The following NDRG4 variants were observed in gnomAD, a reference collection of about 807,000 sequenced individuals.
NDRG4 encodes the protein protein NDRG4.
In NDRG4, 38 loss-of-function variants were observed where a neutral mutation model predicts 55.8. That is an observed-to-expected ratio of 0.68 (90% CI 0.53 to 0.89). NDRG4 has a LOEUF of 0.89. Ranked by LOEUF, NDRG4 falls within the 40% of genes least tolerant of loss-of-function variation. The probability of loss-of-function intolerance (pLI) is 0.00; values close to 1 mark genes in which losing one functional copy is unlikely to be tolerated. For synonymous variants in NDRG4, 190 were observed against 182.7 expected, an observed-to-expected ratio of 1.04 and a Z score of -0.32; for missense variants, 455 against 468.6, an observed-to-expected ratio of 0.97 and a Z score of 0.27.
intron 1 of NDRG4, among the ~76,000 whole-genome samples, chr16:58,483,184 A>G (rs8053127): frequency 0.9 from 137,346 of 152,152 alleles, 62,357 homozygotes; most frequent in Non-Finnish European, 0.95. Flanking sequence ...TATAACTACT[A>G]CTGATCAATT....
chr16:58,506,938 G>T lies in NDRG4; in HGVS notation c.543G>T (p.Leu181Phe). ...SQEELVNNTELVQSYRQQIGN... is the reference protein window; with the variant it reads ...SQEELVNNTEFVQSYRQQIGN... ...AGGAGCTGGTGAACAACACAGAGTTGGTGCAGAGCTACCGGCAGCAGATTG... is the reference window on the plus strand; with the variant it reads ...AGGAGCTGGTGAACAACACAGAGTTTGTGCAGAGCTACCGGCAGCAGATTG... The change falls in exon 8 of 15, where the codon TTG becomes TTT. Residue 181 changes from leucine (L) to phenylalanine (F), a missense_variant. Leu to Phe is a conservative substitution (Grantham distance 22). Coordinates refer to ENST00000570248, the MANE Select transcript of NDRG4 (RefSeq NM_001242835.2). 6.2e-7 allele frequency: 1 copy of T among 1,614,110 alleles called. No homozygotes were observed. The highest frequency in any genetic ancestry group is 8.5e-7 in the Non-Finnish European group (1 of 1,180,000).
chr16:58,489,771 ACTTT>A (rs915758803), intron 2 of NDRG4, among the ~76,000 whole-genome samples: 3 of 151,824 alleles, frequency 2.0e-5, no homozygotes, highest in African/African-American at 7.3e-5. Context: ...GTTTCTCAGA[ACTTT>A]CTAAAAAGTG....
rs367680752 is a variant in NDRG4 at position 58,513,196 on chromosome 16, G to GTGTGTGTGTGTGTA, written c.*1621_*1622insGTGTGTGTGTGTAT. 10 of 150,440 alleles carry GTGTGTGTGTGTGTA rather than the reference G, an allele frequency of 6.6e-5. No homozygotes were observed. The highest frequency in any genetic ancestry group is 2.2e-4 in the African/African-American group (9 of 40,850). 9.3% of individuals were successfully genotyped at this position (150,440 alleles called of 1,614,324 possible). A position where few individuals can be genotyped will look rare whatever the true frequency, so the allele number is the denominator to read the frequency against. On this transcript the variant is annotated 3_prime_UTR_variant, in exon 15 of 15. Coordinates refer to ENST00000570248, the MANE Select transcript of NDRG4 (RefSeq NM_001242835.2). ...TGTGTGTGTGTGTGTGTGTGTGTGTGTACATCGGGTCCTCCCATGTGTGGT... is the reference window on the plus strand; with the variant it reads ...TGTGTGTGTGTGTGTGTGTGTGTGTGTGTGTGTGTGTGTATACATCGGGTCCTCCCATGTGTGGT...
intron 1 of NDRG4, 126 bp from the exon 2 acceptor site, chr16:58,503,672 G>A: frequency 6.5e-7 from 1 of 1,541,756 alleles, no homozygotes; most frequent in East Asian, 2.4e-5. Flanking sequence ...GGGGTGATGA[G>A]AACAGGATGC....
intron 1 of NDRG4, among the ~76,000 whole-genome samples, chr16:58,481,200 TAGG>T (rs1001740069): frequency 3.9e-5 from 6 of 152,180 alleles, no homozygotes; most frequent in Admixed American, 3.9e-4. Context: ...CATGAGGAGT[TAGG>T]AGGACTAAAT....
chr16:58,478,368 G>A (rs55953222), intron 1 of NDRG4, among the ~76,000 whole-genome samples: 4,341 of 147,004 alleles, frequency 0.03, 84 homozygotes, highest in Non-Finnish European at 0.045. Context: ...CAGCCTGGGC[G>A]ACAATATGAG....
At chr16:58,466,614 G>A (rs1464773398) in intron 1 of NDRG4, among the ~76,000 whole-genome samples, 5 of 152,264 alleles carry the variant, frequency 3.3e-5, no homozygotes, top group East Asian at 3.9e-4. Context: ...CACAGGCTCC[G>A]CCCCCATTGT....
At position 58,512,348 on chromosome 16, in the gene NDRG4, AAGG is replaced by A. The variant is rs546374015; in HGVS notation, c.*778_*780del. On this transcript the variant is annotated 3_prime_UTR_variant, in exon 15 of 15. Coordinates refer to ENST00000570248, the MANE Select transcript of NDRG4 (RefSeq NM_001242835.2). ...AGTGACCTGACTGGGGGTGAGGGAG[AAGG>A]AGGAGAGAGCCCATGTGTGGTGTGT... 2.8e-5 allele frequency: 9 copies of A among 326,220 alleles called. No individual in the cohort carries two copies. The highest frequency in any genetic ancestry group is 2.3e-4 in the Admixed American group (5 of 21,864). The allele number at this position is 326,220 out of a possible 1,614,324, so 20.2% of individuals were successfully genotyped here.
intron 1 of NDRG4, chr16:58,475,700 T>C (rs756744558): frequency 8.8e-6 from 4 of 454,732 alleles, no homozygotes; most frequent in African/African-American, 8.0e-5. Context: ...ATGCCACCTT[T>C]AGAATCCTGC....
chr16:58,504,000 TCA>T, intron 2 of NDRG4, 97 bp downstream of exon 2: 2 of 1,470,068 alleles, frequency 1.4e-6, no homozygotes, highest in Non-Finnish European at 1.9e-6. Context: ...TCAGCCCCAC[TCA>T]CACTCACCTC....
chr16:58,504,442 T>C, intron 4 of NDRG4, 21 bp downstream of exon 4: 1 of 1,612,466 alleles, frequency 6.2e-7, no homozygotes, highest in Non-Finnish European at 8.5e-7. Context: ...GCACAGCCCC[T>C]GCGCTAGGGC....
chr16:58,466,619 C>T (rs1170951909), intron 1 of NDRG4, among the ~76,000 whole-genome samples: 2 of 152,228 alleles, frequency 1.3e-5, no homozygotes, highest in East Asian at 3.8e-4. Flanking sequence ...GCTCCGCCCC[C>T]ATTGTACCTG....
intron 1 of NDRG4, chr16:58,501,161 G>A (rs960252943): frequency 1.0e-6 from 1 of 953,646 alleles, no homozygotes; most frequent in Non-Finnish European, 1.4e-6. Flanking sequence ...CTGCCCTGCC[G>A]GTTCCGCAGA....
chr16:58,493,388 C>T (rs1175952086), intron 2 of NDRG4, among the ~76,000 whole-genome samples: 1 of 152,226 alleles, frequency 6.6e-6, no homozygotes, highest in African/African-American at 2.4e-5. Flanking sequence ...CCTGCCTCAG[C>T]CTCCCTAGCA....
At chr16:58,490,049 C>T (rs747129843) in intron 2 of NDRG4, among the ~76,000 whole-genome samples, 1 of 152,128 alleles carries the variant, frequency 6.6e-6, no homozygotes, top group Non-Finnish European at 1.5e-5. Context: ...GCTCTGTTGC[C>T]CAGACTGGTC....
chr16:58,496,364 A>G (rs2036412180), upstream of NDRG4, among the ~76,000 whole-genome samples: 1 of 152,092 alleles, frequency 6.6e-6, no homozygotes, highest in Non-Finnish European at 1.5e-5. Flanking sequence ...GGCAGGTTGC[A>G]TTAAAAGGCA....
chr16:58,511,140 C>T, intron 14 of NDRG4: 1 of 509,338 alleles, frequency 2.0e-6, no homozygotes, highest in Non-Finnish European at 3.5e-6. Flanking sequence ...TACTTCTCCA[C>T]TGGCATCCTC....
intron 1 of NDRG4, among the ~76,000 whole-genome samples, chr16:58,468,421 C>T (rs964998230): frequency 6.6e-6 from 1 of 152,278 alleles, no homozygotes; most frequent in Non-Finnish European, 1.5e-5. Context: ...GGAATAATAG[C>T]CCTCATTAAC....
chr16:58,513,166 ATATGTGTGTGTG>A lies in NDRG4; in HGVS notation c.*1592_*1603del. 2.1e-5 allele frequency: 1 copy of A among 47,282 alleles called. No homozygotes were observed. The highest frequency in any genetic ancestry group is 3.7e-5 in the Non-Finnish European group (1 of 26,738). 2.9% of individuals were successfully genotyped at this position (47,282 alleles called of 1,614,324 possible). A position where few individuals can be genotyped will look rare whatever the true frequency, so the allele number is the denominator to read the frequency against. ...ATGTATCTATAAATATCTATACATT[ATATGTGTGTGTG>A]TGTGTGTGTGTGTGTGTGTACATCG... On this transcript the variant is annotated 3_prime_UTR_variant, in exon 15 of 15. Transcript: ENST00000570248.
Sources: gnomAD v4.1 joint callset for allele counts (sites outside exome capture counted in the v4.1 genomes callset) on GRCh38, gnomAD v4.1.1 for gene constraint, MANE v1.5 for transcripts, NCBI Gene and HGNC (gene_info 2026-07-23, HGNC 2026-07-21) for gene names.